The following DLG2 variants were observed in gnomAD, a reference collection of about 807,000 sequenced individuals.
DLG2 encodes disks large homolog 2.
DLG2 carries 45 observed loss-of-function variants against 132.5 expected under a neutral mutation model. The ratio of observed to expected loss-of-function variants is 0.34; its 90% CI spans 0.27 to 0.44. The LOEUF is 0.44. Among genes scored for constraint, DLG2 ranks in the 20% least tolerant of loss-of-function variants. DLG2 has a pLI of 1.00. For missense variants in DLG2, 1,045 were observed against 1,196.9 expected (o/e 0.87, Z 1.87); for synonymous variants, 424 against 419.6 (o/e 1.01, Z -0.13).
intron 18 of DLG2, among the ~76,000 whole-genome samples, chr11:83,714,373 A>T (rs2086205034): frequency 6.6e-6 from 1 of 152,148 alleles, no homozygotes; most frequent in South Asian, 2.1e-4. Context: ...TTTAATGTGC[A>T]TTATCTACTT....
At chr11:84,839,774 A>C (rs2080356062) in intron 6 of DLG2, among the ~76,000 whole-genome samples, 6 of 152,168 alleles carry the variant, frequency 3.9e-5, no homozygotes. Context: ...TGCTGGGAAA[A>C]CTGGCTACCC....
Position 83,754,052 on chromosome 11 carries a change from C to G in DLG2, c.1825+32638G>C, listed in dbSNP as rs557455006. Among the ~76,000 whole-genome samples the G allele has an allele frequency of 1.5e-3, 221 of 149,764 alleles. 11 individuals carry two copies. The highest frequency in any genetic ancestry group is 5.4e-3 in the African/African-American group (214 of 39,736). ...TCCCCAATTCCCCAGTGCACATAAA[C>G]AATGCTTTTGCCCTAAACATGGAGC... On this transcript the variant is annotated intron_variant, in intron 18 of 27. Transcript: ENST00000376104.
chr11:83,916,112 T>C (rs150979365), intron 15 of DLG2, among the ~76,000 whole-genome samples: 239 of 152,306 alleles, frequency 1.6e-3, no homozygotes, highest in Non-Finnish European at 2.7e-3. Flanking sequence ...CATTGAATTA[T>C]AAAGACATAC....
chr11:84,091,089 G>C (rs1428675278), intron 10 of DLG2, among the ~76,000 whole-genome samples: 2 of 152,116 alleles, frequency 1.3e-5, no homozygotes, highest in Non-Finnish European at 2.9e-5. Flanking sequence ...AAAAATGAAA[G>C]TGCTGTGTTT....
chr11:84,964,643 T>A (rs1443553411), intron 6 of DLG2, among the ~76,000 whole-genome samples: 3 of 152,174 alleles, frequency 2.0e-5, no homozygotes, highest in Non-Finnish European at 4.4e-5. Flanking sequence ...GAGCATTAAA[T>A]GAATATTAAA....
At chr11:84,442,991 G>A (rs371928826) in intron 7 of DLG2, among the ~76,000 whole-genome samples, 2 of 152,052 alleles carry the variant, frequency 1.3e-5, no homozygotes, top group East Asian at 1.9e-4. Context: ...AAACTGGCCC[G>A]GCTGCAGATG....
chr11:85,063,966 C>G (rs1054198451), intron 6 of DLG2, among the ~76,000 whole-genome samples: 1 of 151,708 alleles, frequency 6.6e-6, no homozygotes, highest in East Asian at 1.9e-4. Context: ...TCCTTTCCTT[C>G]AGGATCCCAT....
At chr11:85,279,090 T>C (rs922556672) in intron 4 of DLG2, among the ~76,000 whole-genome samples, 4 of 152,166 alleles carry the variant, frequency 2.6e-5, no homozygotes, top group Non-Finnish European at 5.9e-5. Flanking sequence ...CCAAAAGATA[T>C]GTTATGAAAG....
chr11:83,824,938 T>C (rs943264801), intron 17 of DLG2, among the ~76,000 whole-genome samples: 2 of 151,970 alleles, frequency 1.3e-5, no homozygotes, highest in Non-Finnish European at 2.9e-5. Flanking sequence ...TATGACACAT[T>C]GAATAAGCAA....
intron 6 of DLG2, among the ~76,000 whole-genome samples, chr11:84,957,089 AACAACCTTAGGGGAGAGAT>A (rs1566503132): frequency 6.6e-6 from 1 of 152,200 alleles, no homozygotes; most frequent in Non-Finnish European, 1.5e-5. Context: ...TTACCCTTAC[AACAACCTTAGGGGAGAGAT>A]ACAACTATGA....
chr11:84,547,539 C>G (rs2099392690), intron 6 of DLG2, among the ~76,000 whole-genome samples: 1 of 152,146 alleles, frequency 6.6e-6, no homozygotes, highest in South Asian at 2.1e-4. Flanking sequence ...CTCATCCTTG[C>G]CCTTTGCTCT....
At chr11:84,987,836 A>G (rs1451640307) in intron 6 of DLG2, among the ~76,000 whole-genome samples, 1 of 152,174 alleles carries the variant, frequency 6.6e-6, no homozygotes, top group Non-Finnish European at 1.5e-5. Flanking sequence ...ACATTGGAAA[A>G]TCCCTTCTGG....
chr11:84,002,724 T>C (rs1054238674), intron 11 of DLG2, among the ~76,000 whole-genome samples: 2 of 152,156 alleles, frequency 1.3e-5, no homozygotes, highest in Non-Finnish European at 2.9e-5. Flanking sequence ...TCCAGGTCTG[T>C]CATGGGAGGG....
chr11:84,919,911 A>G, intron 6 of DLG2, among the ~76,000 whole-genome samples: 1 of 152,200 alleles, frequency 6.6e-6, no homozygotes, highest in South Asian at 2.1e-4. Context: ...CTTTTTAGTG[A>G]GTAGACTAAA....
chr11:83,774,522 C>G (rs1299963326), intron 18 of DLG2, among the ~76,000 whole-genome samples: 1 of 152,086 alleles, frequency 6.6e-6, no homozygotes, highest in Non-Finnish European at 1.5e-5. Context: ...AATGGTGGAG[C>G]TGGAATTTGA....
intron 3 of DLG2, among the ~76,000 whole-genome samples, chr11:85,425,078 T>C (rs2090609587): frequency 6.6e-6 from 1 of 151,894 alleles, no homozygotes; most frequent in Non-Finnish European, 1.5e-5. Context: ...CCTTACCCCA[T>C]AAACCAGAAG....
At chr11:84,646,988 T>A (rs1188659273) in intron 6 of DLG2, among the ~76,000 whole-genome samples, 2 of 152,130 alleles carry the variant, frequency 1.3e-5, no homozygotes, top group Admixed American at 1.3e-4. Context: ...TGTGTAGGTA[T>A]TGAGAGAGTA....
At chr11:85,025,357 G>C (rs938292548) in intron 6 of DLG2, among the ~76,000 whole-genome samples, 1 of 152,148 alleles carries the variant, frequency 6.6e-6, no homozygotes, top group African/African-American at 2.4e-5. Context: ...CCATAAAGAA[G>C]TGTTGTTGGA....
At position 83,831,508 on chromosome 11, in the gene DLG2, C is replaced by CTGTGTG. The variant is rs753506616; in HGVS notation, c.1722+2100_1722+2105dup. ...GACTGTATGATGTTATTCAGGTAAACTGTGTGTGTGTGTGTGTGTATGTCA... is the reference window on the plus strand; with the variant it reads ...GACTGTATGATGTTATTCAGGTAAACTGTGTGTGTGTGTGTGTGTGTGTGTATGTCA... On this transcript the variant is annotated intron_variant, in intron 17 of 27. Transcript: ENST00000376104. 3.4e-5 allele frequency among the ~76,000 whole-genome samples: 5 copies of CTGTGTG among 148,842 alleles called. No individual in the cohort carries two copies. The East Asian group carries it at 9.8e-4, about 29-fold the overall frequency.
Sources: gnomAD v4.1 joint callset for allele counts (sites outside exome capture counted in the v4.1 genomes callset) on GRCh38, gnomAD v4.1.1 for gene constraint, MANE v1.5 for transcripts, NCBI Gene and HGNC (gene_info 2026-07-23, HGNC 2026-07-21) for gene names.